Variants in BBC3 observed in about 807,000 individuals in gnomAD.
The protein encoded by BBC3 is BCL2 binding component 3, also known as bcl-2-binding component 3.
In BBC3, 5 loss-of-function variants were observed where a neutral mutation model predicts 18.2. The observed-to-expected ratio is 0.27, with a 90% CI of 0.14 to 0.58. The LOEUF (loss-of-function observed/expected upper bound fraction) is 0.58. Among genes scored for constraint, BBC3 ranks in the 20% least tolerant of loss-of-function variants. The probability of loss-of-function intolerance (pLI) is 0.91; values close to 1 mark genes in which losing one functional copy is unlikely to be tolerated. For synonymous variants in BBC3, 119 were observed against 128.0 expected (o/e 0.93, Z 0.47); for missense variants, 224 against 268.9 (o/e 0.83, Z 1.17).
intron 3 of BBC3, 129 bp downstream of exon 3, chr19:47,226,435 C>T: frequency 2.3e-6 from 2 of 880,780 alleles, no homozygotes; most frequent in Admixed American, 4.0e-5. Flanking sequence ...CACTTACCCC[C>T]CACCTGCCTG....
Position 47,221,696 on chromosome 19 carries a change from G to T in BBC3, c.*106C>A, listed in dbSNP as rs1403215618. ...CGGGACAGGCAGGGCTGGGAGTCCAGTATGCTACATGGTGCAGAGAAAGTC... is the reference window on the plus strand; with the variant it reads ...CGGGACAGGCAGGGCTGGGAGTCCATTATGCTACATGGTGCAGAGAAAGTC... On this transcript the variant is annotated 3_prime_UTR_variant, in exon 4 of 4. Coordinates refer to ENST00000439096, the MANE Select transcript of BBC3 (RefSeq NM_014417.5). 6.4e-7 allele frequency: 1 copy of T among 1,566,104 alleles called. No individual in the cohort carries two copies. The highest frequency in any genetic ancestry group is 8.6e-7 in the Non-Finnish European group (1 of 1,161,828).
Position 47,221,852 on chromosome 19 carries a change from G to C in BBC3, c.532C>G (p.Leu178Val), listed in dbSNP as rs200523681. Residue 178 changes from leucine to valine, a missense_variant, in exon 4 of 4, where the codon CTC (leucine) becomes GTC (valine). Coordinates refer to ENST00000439096, the MANE Select transcript of BBC3 (RefSeq NM_014417.5). Reference protein sequence around the residue: ...WRVLYNLIMGLLPLPRGHRAP... With the variant: ...WRVLYNLIMGVLPLPRGHRAP... ...CTGTGGCCCCTGGGTAAGGGCAGGAGTCCCATGATGAGATTGTACAGGACC... is the reference window on the plus strand; with the variant it reads ...CTGTGGCCCCTGGGTAAGGGCAGGACTCCCATGATGAGATTGTACAGGACC... 3 of 1,613,868 alleles carry C rather than the reference G, an allele frequency of 1.9e-6. No homozygotes were observed. In the East Asian group the frequency reaches 6.7e-5, roughly 36 times the overall value.
rs1185226395 is a variant in BBC3, at chr19:47,221,435, T to TC, written c.*366dup. ...GAGCACCGAGAGGAGAGCCCCCCCC[T>TC]CCCAGTGTCACCCCTGCAGCTGGAA... is the stretch of plus-strand genomic sequence containing the variant. On this transcript the variant is annotated 3_prime_UTR_variant, in exon 4 of 4. Transcript: ENST00000439096. 7 of 156,884 alleles carry TC rather than the reference T, an allele frequency of 4.5e-5. No individual in the cohort carries two copies. The highest frequency in any genetic ancestry group is 2.8e-4 in the East Asian group (1 of 3,530). 9.7% of individuals were successfully genotyped at this position (156,884 alleles called of 1,614,324 possible).
At chr19:47,222,015 G>A (rs933640399) in intron 3 of BBC3, 97 bp from the exon 4 acceptor site, 12 of 1,145,860 alleles carry the variant, frequency 1.0e-5, no homozygotes, top group East Asian at 2.7e-5. Flanking sequence ...CGACAGTCTC[G>A]CCCACCCTAT....
chr19:47,229,727 C>A (rs1045288094), intron 1 of BBC3, among the ~76,000 whole-genome samples: 1 of 151,898 alleles, frequency 6.6e-6, no homozygotes, highest in African/African-American at 2.4e-5. Flanking sequence ...ACTGCATAGA[C>A]CCCACAGATC....
rs937189175 is a variant in BBC3, at chr19:47,221,542, G to A, written c.*260C>T. 12 of 601,288 alleles carry A rather than the reference G, an allele frequency of 2.0e-5. No homozygotes were observed. Among genetic ancestry groups the A allele is most frequent in the Admixed American group, 7.9e-5 (2 of 25,164 alleles). The allele number at this position is 601,288 out of a possible 1,614,324, so 37.2% of individuals were successfully genotyped here. The stretch of plus-strand genomic sequence containing the variant: ...CTCAGTCCCCACCCCCTCGGTCACC[G>A]CCACCTTCCGATGCTGAGTCCATCA... On this transcript the variant is annotated 3_prime_UTR_variant, in exon 4 of 4. Transcript: ENST00000439096.
At chr19:47,222,936 A>G (rs1216487728) in intron 3 of BBC3, among the ~76,000 whole-genome samples, 2 of 131,368 alleles carry the variant, frequency 1.5e-5, no homozygotes, top group Admixed American at 1.7e-4. Context: ...ATTGCACTCC[A>G]GCCTGGGCAA....
At chr19:47,226,119 C>A (rs1166412231) in intron 3 of BBC3, among the ~76,000 whole-genome samples, 2 of 151,474 alleles carry the variant, frequency 1.3e-5, no homozygotes, top group East Asian at 1.9e-4. Flanking sequence ...TGCGAGCCCA[C>A]CCCTGCGGTC....
upstream of BBC3, among the ~76,000 whole-genome samples, chr19:47,231,841 G>A (rs905637387): frequency 6.6e-6 from 1 of 152,060 alleles, no homozygotes; most frequent in African/African-American, 2.4e-5. The surrounding 1 kb of genome is among the most constrained non-coding windows in gnomAD (Gnocchi z 4.0). Flanking sequence ...TACCGAACAG[G>A]CACCCACACC....
chr19:47,226,965 T>G, intron 2 of BBC3: 5 of 409,672 alleles, frequency 1.2e-5, no homozygotes, highest in African/African-American at 2.1e-5. Context: ...TCTGGCCAGC[T>G]ACGTCCCCAC....
In BBC3 at chr19:47,231,081, T is replaced by C; in HGVS notation, c.-168A>G. 1 of 966,882 alleles carries C rather than the reference T, an allele frequency of 1.0e-6. No homozygotes were observed. Among genetic ancestry groups the C allele is most frequent in the Non-Finnish European group, 1.2e-6 (1 of 812,300 alleles). The allele number at this position is 966,882 out of a possible 1,614,324, so 59.9% of individuals were successfully genotyped here. On this transcript the variant is annotated 5_prime_UTR_variant, in exon 1 of 4. Coordinates refer to ENST00000439096, the MANE Select transcript of BBC3 (RefSeq NM_014417.5). This position sits in a 1 kb window ranked among gnomAD's most constrained non-coding sequence, Gnocchi z 4.0. ...TAACTGCAGTGGCGGCTGCTGTGGCTGTGGCTGCTGCTGCTCCCCGGGCCG... is the reference window on the plus strand; with the variant it reads ...TAACTGCAGTGGCGGCTGCTGTGGCCGTGGCTGCTGCTGCTCCCCGGGCCG...
rs545226087 is a variant in BBC3, at chr19:47,226,137, C to T, written c.465+427G>A. On this transcript the variant is annotated intron_variant, in intron 3 of 3. Coordinates refer to ENST00000439096, the MANE Select transcript of BBC3 (RefSeq NM_014417.5). ...GAGCCCACCCCTGCGGTCCCCGGCC[C>T]GCCCCGGCGCCCGGGAAACTGTGTG... Among the ~76,000 whole-genome samples, 247 of 151,942 alleles carry T rather than the reference C, an allele frequency of 1.6e-3. 2 individuals carry two copies. The highest frequency in any genetic ancestry group is 5.4e-3 in the African/African-American group (225 of 41,532).
At chr19:47,232,074 C>T (rs1037929837), upstream of BBC3, among the ~76,000 whole-genome samples, 5 of 152,138 alleles carry the variant, frequency 3.3e-5, no homozygotes, top group African/African-American at 4.8e-5. Context: ...GACATTCGCC[C>T]GACACGGTGG....
rs2058903122 is a variant in BBC3, at chr19:47,230,744, C to G, written c.-16+185G>C. 2 of 985,236 alleles carry G rather than the reference C, an allele frequency of 2.0e-6. No individual in the cohort carries two copies. The highest frequency in any genetic ancestry group is 2.4e-6 in the Non-Finnish European group (2 of 829,868). 61.0% of individuals were successfully genotyped at this position (985,236 alleles called of 1,614,324 possible). A position where few individuals can be genotyped will look rare whatever the true frequency, so the allele number is the denominator to read the frequency against. On this transcript the variant is annotated intron_variant, in intron 1 of 3. Transcript: ENST00000439096. The surrounding 1 kb of genome is among the most constrained non-coding windows in gnomAD (Gnocchi z 6.7). Reference sequence around the variant, plus strand: ...GCACCTGTGCGCCCAGACCGGCGCCCCAACGCCGAGCCGCCTCTCACCCGG... The same window carrying G: ...GCACCTGTGCGCCCAGACCGGCGCCGCAACGCCGAGCCGCCTCTCACCCGG...
chr19:47,231,265 C>T (rs1484252610), upstream of BBC3: 6 of 920,340 alleles, frequency 6.5e-6, no homozygotes, highest in Non-Finnish European at 5.2e-6. The surrounding 1 kb of genome is among the most constrained non-coding windows in gnomAD (Gnocchi z 4.0). Flanking sequence ...CGCCCCCGCC[C>T]GGCGGGTCCC....
intron 1 of BBC3, among the ~76,000 whole-genome samples, chr19:47,229,840 G>A (rs2058888060): frequency 6.6e-6 from 1 of 151,732 alleles, no homozygotes; most frequent in Non-Finnish European, 1.5e-5. Context: ...ACTCACACCT[G>A]ACAACTCACA....
In BBC3 at chr19:47,230,951, AGGGGGCGGCGGTG is replaced by A; in HGVS notation, c.-51_-39del. 1 of 982,756 alleles carries A rather than the reference AGGGGGCGGCGGTG, an allele frequency of 1.0e-6. No homozygotes were observed. The highest frequency in any genetic ancestry group is 5.2e-4 in the Middle Eastern group (1 of 1,908). 60.9% of individuals were successfully genotyped at this position (982,756 alleles called of 1,614,324 possible). ...CACCCCGGGGGCATGAACACGCCGG[AGGGGGCGGCGGTG>A]GGGGGCGGGCGGCTTCCTTCAGGAG... On this transcript the variant is annotated 5_prime_UTR_variant, in exon 1 of 4. Transcript: ENST00000439096. This position sits in a 1 kb window ranked among gnomAD's most constrained non-coding sequence, Gnocchi z 6.7.
In BBC3 at chr19:47,228,155, C is replaced by T; in HGVS notation, c.274+3G>A. Reference sequence around the variant, plus strand: ...TCACCCCGGGGGCGGGGCGGGCACTCACCGTCCGGGCGCGGGCCTCGGGGC... The same window carrying T: ...TCACCCCGGGGGCGGGGCGGGCACTTACCGTCCGGGCGCGGGCCTCGGGGC... On this transcript the variant is annotated splice_donor_region_variant and intron_variant, in intron 2 of 3. Transcript: ENST00000439096. The surrounding 1 kb of genome is among the most constrained non-coding windows in gnomAD (Gnocchi z 5.5). 1.6e-6 allele frequency: 2 copies of T among 1,228,164 alleles called. No individual in the cohort carries two copies. The highest frequency in any genetic ancestry group is 2.0e-6 in the Non-Finnish European group (2 of 985,162). 76.1% of individuals were successfully genotyped at this position (1,228,164 alleles called of 1,614,324 possible). A position where few individuals can be genotyped will look rare whatever the true frequency, so the allele number is the denominator to read the frequency against.
Position 47,231,063 on chromosome 19 carries a change from A to G in BBC3, c.-150T>C. 1 of 962,556 alleles carries G rather than the reference A, an allele frequency of 1.0e-6. No homozygotes were observed. Among genetic ancestry groups the G allele is most frequent in the Non-Finnish European group, 1.2e-6 (1 of 808,382 alleles). The allele number at this position is 962,556 out of a possible 1,614,324, so 59.6% of individuals were successfully genotyped here. On this transcript the variant is annotated 5_prime_UTR_variant, in exon 1 of 4. Coordinates refer to ENST00000439096, the MANE Select transcript of BBC3 (RefSeq NM_014417.5). This position sits in a 1 kb window ranked among gnomAD's most constrained non-coding sequence, Gnocchi z 4.0. ...TCGCTGCTGCTGCCGCTCTAACTGCAGTGGCGGCTGCTGTGGCTGTGGCTG... is the reference window on the plus strand; with the variant it reads ...TCGCTGCTGCTGCCGCTCTAACTGCGGTGGCGGCTGCTGTGGCTGTGGCTG...
Sources: gnomAD v4.1 joint callset for allele counts (sites outside exome capture counted in the v4.1 genomes callset) on GRCh38, gnomAD v4.1.1 for gene constraint, Gnocchi (gnomAD v3.1) non-coding constraint, MANE v1.5 for transcripts, NCBI Gene and HGNC (gene_info 2026-07-23, HGNC 2026-07-21) for gene names.